Variants in AOAH observed in about 807,000 individuals in gnomAD.
AOAH encodes the protein acyloxyacyl hydrolase (neutrophil).
Under a neutral mutation model 92.2 loss-of-function variants are expected in AOAH, and 64 were observed. That is an observed-to-expected ratio of 0.69 (90% CI 0.57 to 0.86). The LOEUF is 0.86. AOAH is among the 40% of genes least tolerant of loss of function. AOAH has a pLI of 0.00. For synonymous variants in AOAH, 263 were observed against 254.5 expected, an observed-to-expected ratio of 1.03 and a Z score of -0.32; for missense variants, 656 against 694.6, an observed-to-expected ratio of 0.94 and a Z score of 0.62.
At chr7:36,513,548 A>T (rs1790165982) in intron 20 of AOAH, among the ~76,000 whole-genome samples, 168 bp from the exon 21 acceptor site, 1 of 152,162 alleles carries the variant, frequency 6.6e-6, no homozygotes, top group Non-Finnish European at 1.5e-5. Flanking sequence ...GGGACCTATC[A>T]CTTGCTTCTA....
intron 15 of AOAH, among the ~76,000 whole-genome samples, chr7:36,543,666 TAAGC>T (rs1785572819): frequency 2.0e-5 from 3 of 152,172 alleles, no homozygotes; most frequent in Admixed American, 1.3e-4. Flanking sequence ...ACCCACAAAT[TAAGC>T]AAGCATAATC....
At chr7:36,676,582 T>G (rs1348794741) in intron 2 of AOAH, among the ~76,000 whole-genome samples, 1 of 152,174 alleles carries the variant, frequency 6.6e-6, no homozygotes, top group Non-Finnish European at 1.5e-5. Context: ...CCTAGCTAAC[T>G]TCTTTGCAGA....
At chr7:36,672,166 C>T (rs534411445) in intron 3 of AOAH, among the ~76,000 whole-genome samples, 1 of 152,252 alleles carries the variant, frequency 6.6e-6, no homozygotes, top group East Asian at 1.9e-4. Flanking sequence ...AGAGCGAGAT[C>T]GCTATTAAGA....
chr7:36,630,855 T>G (rs1379578822), intron 6 of AOAH, among the ~76,000 whole-genome samples: 1 of 152,186 alleles, frequency 6.6e-6, no homozygotes, highest in African/African-American at 2.4e-5. Flanking sequence ...GGGTGTATCT[T>G]GGGTCCTCAG....
chr7:36,722,749 A>T (rs995834036), intron 1 of AOAH, among the ~76,000 whole-genome samples: 1 of 151,900 alleles, frequency 6.6e-6, no homozygotes, highest in Non-Finnish European at 1.5e-5. Context: ...TGTGGCCAAC[A>T]TAGGGAAACC....
chr7:36,706,082 T>C (rs1446142399), intron 1 of AOAH, among the ~76,000 whole-genome samples: 1 of 152,080 alleles, frequency 6.6e-6, no homozygotes, highest in Non-Finnish European at 1.5e-5. Context: ...ATTCAAGACA[T>C]AGGCATGTGC....
intron 6 of AOAH, among the ~76,000 whole-genome samples, chr7:36,629,797 G>A (rs187580297): frequency 4.6e-4 from 70 of 152,306 alleles, no homozygotes; most frequent in African/African-American, 1.5e-3. Context: ...CATGAAGCTC[G>A]TGAGATGAAG....
chr7:36,671,471 A>C (rs1415135070), intron 3 of AOAH, among the ~76,000 whole-genome samples: 1 of 152,258 alleles, frequency 6.6e-6, no homozygotes, highest in Non-Finnish European at 1.5e-5. Context: ...CAGCTTAGAA[A>C]AGTAAATGGA....
chr7:36,536,082 T>C (rs1480253890), intron 16 of AOAH, among the ~76,000 whole-genome samples: 1 of 152,146 alleles, frequency 6.6e-6, no homozygotes, highest in Non-Finnish European at 1.5e-5. Context: ...CGTCACCCCC[T>C]TGTCCCTGGC....
At chr7:36,574,316 G>T (rs566605441) in intron 13 of AOAH, among the ~76,000 whole-genome samples, 5 of 152,224 alleles carry the variant, frequency 3.3e-5, no homozygotes, top group Non-Finnish European at 7.4e-5. Context: ...CACGGCCTTC[G>T]AGCACATTTT....
intron 19 of AOAH, among the ~76,000 whole-genome samples, chr7:36,529,247 C>G (rs1335956380): frequency 6.6e-6 from 1 of 151,894 alleles, no homozygotes; most frequent in African/African-American, 2.4e-5. Flanking sequence ...AAAAAAGTCC[C>G]ATGTGAGTGT....
intron 16 of AOAH, among the ~76,000 whole-genome samples, chr7:36,537,582 G>T (rs1785158071): frequency 6.7e-6 from 1 of 149,902 alleles, no homozygotes; most frequent in African/African-American, 2.5e-5. Flanking sequence ...GCAATGGTGT[G>T]ATCTCAGCTC....
chr7:36,551,007 T>C (rs1464268757), intron 13 of AOAH, among the ~76,000 whole-genome samples: 2 of 152,108 alleles, frequency 1.3e-5, no homozygotes, highest in African/African-American at 4.8e-5. Flanking sequence ...ATTCAGGAAA[T>C]GTTAGCACAT....
intron 17 of AOAH, 29 bp downstream of exon 17, chr7:36,532,257 G>T: frequency 1.2e-6 from 2 of 1,614,126 alleles, no homozygotes; most frequent in Non-Finnish European, 1.7e-6. Flanking sequence ...TAGGTAAGCG[G>T]GCCTTGAAGC....
chr7:36,611,132 G>T (rs1380516226), intron 11 of AOAH, among the ~76,000 whole-genome samples: 1 of 152,174 alleles, frequency 6.6e-6, no homozygotes, highest in African/African-American at 2.4e-5. Flanking sequence ...TTCTTACCAA[G>T]TGGCCAGGCT....
chr7:36,548,825 A>G, intron 14 of AOAH, 139 bp from the exon 15 acceptor site: 1 of 650,222 alleles, frequency 1.5e-6, no homozygotes, highest in Non-Finnish European at 2.7e-6. Flanking sequence ...CTTTCATTCT[A>G]GTACAGCCAA....
intron 1 of AOAH, among the ~76,000 whole-genome samples, chr7:36,689,527 G>A (rs145922147): frequency 5.5e-4 from 83 of 152,200 alleles, no homozygotes; most frequent in Non-Finnish European, 9.1e-4. Flanking sequence ...GTCCTCCCAC[G>A]GCTTTGATGG....
intron 5 of AOAH, 148 bp from the exon 6 acceptor site, chr7:36,632,254 C>T (rs1243604667): frequency 3.0e-6 from 2 of 667,264 alleles, no homozygotes; most frequent in Admixed American, 2.8e-5. Context: ...ACCTCTTGTT[C>T]CTGTCCCCAC....
At chr7:36,574,478 T>C (rs1040174848) in intron 13 of AOAH, among the ~76,000 whole-genome samples, 6 of 152,236 alleles carry the variant, frequency 3.9e-5, no homozygotes, top group African/African-American at 1.2e-4. Context: ...CTTACTCTGG[T>C]CTTTATGATT....
Sources: gnomAD v4.1 joint callset for allele counts (sites outside exome capture counted in the v4.1 genomes callset) on GRCh38, gnomAD v4.1.1 for gene constraint, MANE v1.5 for transcripts, NCBI Gene and HGNC (gene_info 2026-07-23, HGNC 2026-07-21) for gene names.